DCDC1: variants seen among roughly 807,000 people sequenced by gnomAD.
DCDC1 encodes doublecortin domain-containing protein 1.
DCDC1 carries 200 observed loss-of-function variants against 178.3 expected under a neutral mutation model. That is an observed-to-expected ratio of 1.12 (90% confidence interval 1.00 to 1.26). DCDC1 has a LOEUF of 1.26. Among genes scored for constraint, DCDC1 ranks in the 50% most tolerant of loss-of-function variants. The pLI, the probability that DCDC1 is intolerant of heterozygous loss-of-function variation, is 0.00. For synonymous variants in DCDC1, 690 were observed against 604.8 expected (o/e 1.14, Z -2.07); for missense variants, 1,983 against 1,749.2 (o/e 1.13, Z -2.38).
rs542887505 is a variant in DCDC1, at chr11:30,982,202, T to C, written c.2592-29634A>G. ...CAAATTAGTATTGCTGTTGTTTTTC[T>C]TAAAGCACCTCTTGAGAACACGCTT... is the stretch of plus-strand genomic sequence containing the variant. On this transcript the variant is annotated intron_variant, in intron 20 of 38. Transcript: ENST00000684477. Among the ~76,000 whole-genome samples, 198 of 152,316 alleles carry C rather than the reference T, an allele frequency of 1.3e-3. 3 individuals carry two copies. The highest frequency in any genetic ancestry group is 4.0e-3 in the African/African-American group (167 of 41,570).
chr11:31,038,442 T>G (rs536433539), intron 20 of DCDC1, among the ~76,000 whole-genome samples: 48 of 152,316 alleles, frequency 3.2e-4, no homozygotes, highest in African/African-American at 1.1e-3. Context: ...CATACTTTCA[T>G]GTTTAGTAAT....
At chr11:31,056,286 C>G (rs1389905432) in intron 20 of DCDC1, among the ~76,000 whole-genome samples, 1 of 151,550 alleles carries the variant, frequency 6.6e-6, no homozygotes, top group Non-Finnish European at 1.5e-5. Flanking sequence ...AGAGAGAAAA[C>G]AGGACACAGA....
chr11:30,922,715 A>G, intron 23 of DCDC1, 77 bp from the exon 24 acceptor site: 1 of 1,353,592 alleles, frequency 7.4e-7, no homozygotes, highest in Non-Finnish European at 9.7e-7. Context: ...ACTGGAAACA[A>G]TTAAAAAAAT....
chr11:31,110,594 C>T (rs1295223045), intron 11 of DCDC1, among the ~76,000 whole-genome samples: 1 of 152,004 alleles, frequency 6.6e-6, no homozygotes, highest in Non-Finnish European at 1.5e-5. Flanking sequence ...CCTGCTTCTC[C>T]TTTTGGTTTC....
intron 7 of DCDC1, chr11:31,281,012 C>T (rs1004887202): frequency 1.8e-5 from 10 of 558,938 alleles, no homozygotes; most frequent in Middle Eastern, 5.1e-4. Context: ...TTCGTCACAA[C>T]GAAGGTTCCC....
intron 3 of DCDC1, among the ~76,000 whole-genome samples, chr11:31,311,136 A>G (rs1948747385): frequency 6.6e-6 from 1 of 152,080 alleles, no homozygotes; most frequent in Non-Finnish European, 1.5e-5. Flanking sequence ...TGTCTATATG[A>G]CTTACGTTCA....
At chr11:31,188,712 C>T (rs1969795711) in intron 9 of DCDC1, among the ~76,000 whole-genome samples, 1 of 152,148 alleles carries the variant, frequency 6.6e-6, no homozygotes. Flanking sequence ...TTCCCAAAGG[C>T]TGGACTACAA....
chr11:31,278,255 A>G (rs1946140160), intron 7 of DCDC1, among the ~76,000 whole-genome samples: 1 of 152,064 alleles, frequency 6.6e-6, no homozygotes, highest in African/African-American at 2.4e-5. Flanking sequence ...TCTTATTCCC[A>G]TATCATCCTG....
intron 20 of DCDC1, among the ~76,000 whole-genome samples, chr11:30,982,987 A>G (rs1023488171): frequency 2.6e-5 from 4 of 152,166 alleles, no homozygotes; most frequent in African/African-American, 9.7e-5. Flanking sequence ...CGGATCATCA[A>G]AGACAAATTG....
intron 17 of DCDC1, among the ~76,000 whole-genome samples, chr11:31,086,805 A>G (rs1957507318): frequency 6.6e-6 from 1 of 152,082 alleles, no homozygotes; most frequent in Non-Finnish European, 1.5e-5. Flanking sequence ...ATTTGCTAAA[A>G]TTTTGTTAAT....
intron 38 of DCDC1, among the ~76,000 whole-genome samples, chr11:30,869,731 G>C (rs140207192): frequency 3.8e-4 from 58 of 152,298 alleles, no homozygotes; most frequent in African/African-American, 1.4e-3. Context: ...ATGGGGAAAA[G>C]TTTAGCATGG....
chr11:31,266,659 T>A (rs981064705), intron 7 of DCDC1, among the ~76,000 whole-genome samples: 2 of 152,214 alleles, frequency 1.3e-5, no homozygotes, highest in Non-Finnish European at 2.9e-5. Context: ...AGAACATCTT[T>A]CAACTGCTCA....
intron 38 of DCDC1, among the ~76,000 whole-genome samples, chr11:30,869,861 A>G (rs1419147986): frequency 6.6e-6 from 1 of 152,162 alleles, no homozygotes; most frequent in Non-Finnish European, 1.5e-5. Flanking sequence ...TTTGATGGCA[A>G]CAGAGGGCCA....
At chr11:31,001,800 AG>A (rs1180951311) in intron 20 of DCDC1, among the ~76,000 whole-genome samples, 1 of 152,220 alleles carries the variant, frequency 6.6e-6, no homozygotes, top group Non-Finnish European at 1.5e-5. Context: ...AGTATATCAA[AG>A]GTACATTGAA....
intron 38 of DCDC1, among the ~76,000 whole-genome samples, chr11:30,869,403 C>T (rs2133910707): frequency 6.6e-6 from 1 of 152,256 alleles, no homozygotes; most frequent in Non-Finnish European, 1.5e-5. Flanking sequence ...TAAAAAGGAA[C>T]AAAAATAAAA....
Position 30,922,752 on chromosome 11 carries a change from G to A in DCDC1, c.2998-114C>T, listed in dbSNP as rs944620421. On this transcript the variant is annotated intron_variant, in intron 23 of 38. Transcript: ENST00000684477. Reference sequence around the variant, plus strand: ...AAAATGTCCTATTAATATAATAGGTGAATGATTAAAGAAAACTGTGTACCA... The same window carrying A: ...AAAATGTCCTATTAATATAATAGGTAAATGATTAAAGAAAACTGTGTACCA... 11 of 1,033,134 alleles carry A rather than the reference G, an allele frequency of 1.1e-5. No homozygotes were observed. In the African/African-American group the frequency reaches 1.7e-4, roughly 16 times the overall value. 64.0% of individuals were successfully genotyped at this position (1,033,134 alleles called of 1,614,324 possible). A position where few individuals can be genotyped will look rare whatever the true frequency, so the allele number is the denominator to read the frequency against.
intron 9 of DCDC1, among the ~76,000 whole-genome samples, chr11:31,194,879 A>G (rs946963772): frequency 1.3e-5 from 2 of 152,054 alleles, no homozygotes; most frequent in Non-Finnish European, 2.9e-5. Flanking sequence ...ATTTCCACAG[A>G]TATTTACTGA....
intron 8 of DCDC1, among the ~76,000 whole-genome samples, chr11:31,257,699 C>A (rs1465602541): frequency 6.6e-6 from 1 of 150,850 alleles, no homozygotes; most frequent in Non-Finnish European, 1.5e-5. Context: ...GGAAAACACA[C>A]ACACACACAC....
intron 11 of DCDC1, among the ~76,000 whole-genome samples, chr11:31,119,118 G>C (rs962416409): frequency 3.3e-5 from 5 of 152,152 alleles, no homozygotes; most frequent in Admixed American, 1.3e-4. Context: ...AGAGATTTCA[G>C]CACCTGCCGC....
Sources: gnomAD v4.1 joint callset for allele counts (sites outside exome capture counted in the v4.1 genomes callset) on GRCh38, gnomAD v4.1.1 for gene constraint, MANE v1.5 for transcripts, NCBI Gene and HGNC (gene_info 2026-07-23, HGNC 2026-07-21) for gene names.